DNASE1L3: variants seen among roughly 807,000 people sequenced by gnomAD.
The protein encoded by DNASE1L3 is deoxyribonuclease gamma.
DNASE1L3 carries 27 observed loss-of-function variants against 30.9 expected under a neutral mutation model. That is an observed-to-expected ratio of 0.87 (90% CI 0.64 to 1.20). The LOEUF is 1.20. Ranked by LOEUF, DNASE1L3 falls within the 50% of genes most tolerant of loss-of-function variation. The pLI is 0.00. For synonymous variants in DNASE1L3, 135 were observed against 138.0 expected, an observed-to-expected ratio of 0.98 and a Z score of 0.15; for missense variants, 364 against 378.2, an observed-to-expected ratio of 0.96 and a Z score of 0.31.
chr3:58,202,162 TGAGACG>T (rs1184673128), intron 4 of DNASE1L3, among the ~76,000 whole-genome samples: 1 of 151,190 alleles, frequency 6.6e-6, no homozygotes, highest in African/African-American at 2.4e-5. Flanking sequence ...TTTTTTTTTT[TGAGACG>T]GAGTTTCGTT....
Position 58,200,355 on chromosome 3 carries a change from A to G in DNASE1L3, c.546+642T>C, listed in dbSNP as rs182830443. ...TGTTGCCTTGTGGGAAAGAAAATTTATTTTGGTCTGGAGGCTGCTGGTGGC... is the reference window on the plus strand; with the variant it reads ...TGTTGCCTTGTGGGAAAGAAAATTTGTTTTGGTCTGGAGGCTGCTGGTGGC... On this transcript the variant is annotated intron_variant, in intron 5 of 7. Transcript: ENST00000394549. The surrounding 1 kb of genome is among the most constrained non-coding windows in gnomAD (Gnocchi z 4.2). Among the ~76,000 whole-genome samples, 42 of 152,222 alleles carry G rather than the reference A, an allele frequency of 2.8e-4. No homozygotes were observed. The highest frequency in any genetic ancestry group is 5.3e-4 in the Non-Finnish European group (36 of 68,016).
At chr3:58,201,403 T>G (rs2097400469) in intron 4 of DNASE1L3, among the ~76,000 whole-genome samples, 1 of 152,248 alleles carries the variant, frequency 6.6e-6, no homozygotes, top group South Asian at 2.1e-4. Context: ...CCCTTCTTAT[T>G]AAAGAATAAA....
In DNASE1L3 at chr3:58,202,080, C is replaced by T. The variant is rs562282394; in HGVS notation, c.434-971G>A. 8.8e-5 allele frequency among the ~76,000 whole-genome samples: 13 copies of T among 147,650 alleles called. No homozygotes were observed. The South Asian group carries it at 2.8e-3, about 32-fold the overall frequency. ...CTGATGTATTTTATCCCTCTTCTTT[C>T]TTTTTTTAATTGACAGGAAAAATTG... On this transcript the variant is annotated intron_variant, in intron 4 of 7. Transcript: ENST00000394549.
At chr3:58,202,149 C>CTT (rs771675575) in intron 4 of DNASE1L3, among the ~76,000 whole-genome samples, 2 of 138,534 alleles carry the variant, frequency 1.4e-5, no homozygotes, top group African/African-American at 5.3e-5. Context: ...TAAAGGTTTC[C>CTT]TTTTTTTTTT....
At position 58,193,556 on chromosome 3, in the gene DNASE1L3, G is replaced by A. The variant is rs865964299; in HGVS notation, c.705-117C>T. On this transcript the variant is annotated intron_variant, in intron 6 of 7. Transcript: ENST00000394549. ...GAGCAGTCTGGCCCTTTCATGTGGC[G>A]CTCAAAGTCCAGAGCTGGTTTTAGC... is the stretch of plus-strand genomic sequence containing the variant. 161 of 835,836 alleles carry A rather than the reference G, an allele frequency of 1.9e-4. 2 individuals carry two copies. Among genetic ancestry groups the A allele is most frequent in the Middle Eastern group, 1.2e-3 (5 of 4,252 alleles). 51.8% of individuals were successfully genotyped at this position (835,836 alleles called of 1,614,324 possible). A position where few individuals can be genotyped will look rare whatever the true frequency, so the allele number is the denominator to read the frequency against.
rs1476917691 is a variant in DNASE1L3, at chr3:58,195,605, TAAAATTACA to T, written c.705-2175_705-2167del. Reference sequence around the variant, plus strand: ...CAACATGGCGAAACCCCATCTCTACTAAAATTACAAAAAAAAAAAAAAAAAAAAAAAAAA... The same window carrying T: ...CAACATGGCGAAACCCCATCTCTACTAAAAAAAAAAAAAAAAAAAAAAAAA... On this transcript the variant is annotated intron_variant, in intron 6 of 7. Transcript: ENST00000394549. Among the ~76,000 whole-genome samples the T allele has an allele frequency of 8.3e-4, 22 of 26,470 alleles. No homozygotes were observed. The South Asian group carries it at 0.022, about 27-fold the overall frequency. The allele number at this position is 26,470 out of a possible 152,430, so 17.4% of individuals were successfully genotyped here.
chr3:58,205,699 A>G (rs2097403460), intron 2 of DNASE1L3, 139 bp from the exon 3 acceptor site: 2 of 682,412 alleles, frequency 2.9e-6, no homozygotes, highest in South Asian at 1.8e-5. Flanking sequence ...CTTTGAGTCC[A>G]ATGAGAGGAG....
In DNASE1L3 at chr3:58,196,764, C is replaced by T. The variant is rs1338953803; in HGVS notation, c.704+1057G>A. 2.0e-5 allele frequency among the ~76,000 whole-genome samples: 3 copies of T among 152,156 alleles called. No individual in the cohort carries two copies. The East Asian group carries it at 5.8e-4, about 29-fold the overall frequency. On this transcript the variant is annotated intron_variant, in intron 6 of 7. Transcript: ENST00000394549. ...ATTCACACGCCTCAGGCACTCCCCC[C>T]TCTGTCCCCATTGAAGGAGCAAAGA...
Position 58,200,088 on chromosome 3 carries a change from C to G in DNASE1L3, c.546+909G>C, listed in dbSNP as rs905365243. The stretch of plus-strand genomic sequence containing the variant: ...CCTCACAGCCACAAGTGGTCTCTTC[C>G]AAAAGTGGAAAGAACTGAGCCTATA... On this transcript the variant is annotated intron_variant, in intron 5 of 7. Transcript: ENST00000394549. The surrounding 1 kb of genome is among the most constrained non-coding windows in gnomAD (Gnocchi z 4.2). 6.6e-6 allele frequency among the ~76,000 whole-genome samples: 1 copy of G among 152,162 alleles called. No homozygotes were observed. Among genetic ancestry groups the G allele is most frequent in the Non-Finnish European group, 1.5e-5 (1 of 68,044 alleles).
intron 5 of DNASE1L3, among the ~76,000 whole-genome samples, chr3:58,198,990 G>C (rs141924934): frequency 2.6e-4 from 39 of 152,252 alleles, no homozygotes; most frequent in African/African-American, 8.4e-4. Context: ...TCTTGGAACA[G>C]AATTTTCAAC....
At chr3:58,201,800 T>C (rs1190245293) in intron 4 of DNASE1L3, among the ~76,000 whole-genome samples, 1 of 152,216 alleles carries the variant, frequency 6.6e-6, no homozygotes, top group African/African-American at 2.4e-5. Context: ...AGGATAAAAA[T>C]TGCTTCCCTC....
chr3:58,205,730 T>C (rs1450345058), intron 2 of DNASE1L3, among the ~76,000 whole-genome samples, 170 bp from the exon 3 acceptor site: 12 of 152,286 alleles, frequency 7.9e-5, no homozygotes, highest in Non-Finnish European at 1.5e-4. Flanking sequence ...TTGGCTGGAA[T>C]GTGGCATCTG....
At chr3:58,208,532 A>T (rs1390174202) in intron 1 of DNASE1L3, among the ~76,000 whole-genome samples, 2 of 152,060 alleles carry the variant, frequency 1.3e-5, no homozygotes, top group African/African-American at 2.4e-5. Context: ...ACTCCCAATC[A>T]CCCTACTAGA....
chr3:58,199,152 G>A (rs2097399076), intron 5 of DNASE1L3, among the ~76,000 whole-genome samples: 1 of 152,206 alleles, frequency 6.6e-6, no homozygotes, highest in Non-Finnish European at 1.5e-5. Context: ...TGAGGACAGA[G>A]TGTCATCCTT....
chr3:58,203,234 G>C (rs951104407), intron 4 of DNASE1L3, among the ~76,000 whole-genome samples: 13 of 152,130 alleles, frequency 8.5e-5, no homozygotes, highest in African/African-American at 3.1e-4. Context: ...CTCATTGCCA[G>C]CTCTCCTCCT....
At chr3:58,201,901 T>A (rs2097400866) in intron 4 of DNASE1L3, among the ~76,000 whole-genome samples, 1 of 152,228 alleles carries the variant, frequency 6.6e-6, no homozygotes, top group Non-Finnish European at 1.5e-5. Flanking sequence ...AAACTTTTTA[T>A]CTGAATGTTG....
intron 6 of DNASE1L3, 45 bp from the exon 7 acceptor site, chr3:58,193,484 AT>A (rs1248864477): frequency 6.5e-7 from 1 of 1,531,406 alleles, no homozygotes; most frequent in South Asian, 1.1e-5. Context: ...CCAACCTGTG[AT>A]TGCTGAGATC....
chr3:58,207,144 G>A (rs1242319525), intron 2 of DNASE1L3, among the ~76,000 whole-genome samples: 1 of 152,172 alleles, frequency 6.6e-6, no homozygotes, highest in East Asian at 1.9e-4. Context: ...GCTGAGAGGG[G>A]CAGATCACTT....
chr3:58,196,551 T>TAAAAA (rs60743972), intron 6 of DNASE1L3, among the ~76,000 whole-genome samples: 1 of 60,714 alleles, frequency 1.6e-5, no homozygotes, highest in Non-Finnish European at 3.0e-5. Context: ...AGACTCTGTC[T>TAAAAA]AAAAAAAAAA....
Sources: allele counts gnomAD v4.1 joint callset (sites outside exome capture counted in the v4.1 genomes callset), GRCh38; gene constraint gnomAD v4.1.1; non-coding constraint Gnocchi (gnomAD v3.1); transcripts MANE v1.5; gene names NCBI Gene and HGNC (gene_info 2026-07-23, HGNC 2026-07-21).